Variants in LARGE1 observed in about 807,000 individuals in gnomAD.
LARGE1 encodes LARGE xylosyl- and glucuronyltransferase 1.
Under a neutral mutation model 87.6 loss-of-function variants are expected in LARGE1, and 43 were observed. The observed-to-expected ratio is 0.49, with a 90% CI of 0.38 to 0.63. The LOEUF (loss-of-function observed/expected upper bound fraction) is 0.63, where lower values mean the gene tolerates loss of function less well. LARGE1 is among the 30% of genes least tolerant of loss of function. The pLI, the probability that LARGE1 is intolerant of heterozygous loss-of-function variation, is 0.00. For missense variants in LARGE1, 802 were observed against 1,000.2 expected (o/e 0.80, Z 2.67); for synonymous variants, 434 against 394.6 (o/e 1.10, Z -1.18).
At chr22:33,868,750 A>G (rs2043942683) in intron 1 of LARGE1, among the ~76,000 whole-genome samples, 1 of 152,178 alleles carries the variant, frequency 6.6e-6, no homozygotes, top group African/African-American at 2.4e-5. Flanking sequence ...GAAATCACCT[A>G]TCATGTCAAA....
chr22:33,842,495 TCTAA>T (rs764014831), intron 1 of LARGE1, among the ~76,000 whole-genome samples: 5 of 152,184 alleles, frequency 3.3e-5, no homozygotes, highest in Non-Finnish European at 7.3e-5. Flanking sequence ...GTACATTGCT[TCTAA>T]CTATACATTC....
At chr22:33,771,642 C>T (rs2085071403) in intron 1 of LARGE1, among the ~76,000 whole-genome samples, 1 of 152,136 alleles carries the variant, frequency 6.6e-6, no homozygotes, top group African/African-American at 2.4e-5. Flanking sequence ...AACAATCTCC[C>T]GGCTGATGAC....
At chr22:33,829,908 T>C (rs2062915819) in intron 1 of LARGE1, among the ~76,000 whole-genome samples, 5 of 152,220 alleles carry the variant, frequency 3.3e-5, no homozygotes, top group South Asian at 2.1e-4. Flanking sequence ...GAAACCACCA[T>C]TCCCTACAAG....
the LARGE1 span, among the ~76,000 whole-genome samples, chr22:33,066,736 C>T: frequency 4.6e-5 from 7 of 152,260 alleles, no homozygotes; most frequent in Admixed American, 2.0e-4. Context: ...AAGATCCATT[C>T]GGCTCAGCTA....
At chr22:33,245,003 T>A (rs1602141212) in intron 11 of LARGE1, among the ~76,000 whole-genome samples, 1 of 152,336 alleles carries the variant, frequency 6.6e-6, no homozygotes, top group South Asian at 2.1e-4. Context: ...TTTCTCAACA[T>A]AAGCTCCATC....
chr22:33,813,081 G>A (rs1335499898), intron 1 of LARGE1, among the ~76,000 whole-genome samples: 1 of 152,018 alleles, frequency 6.6e-6, no homozygotes, highest in Non-Finnish European at 1.5e-5. Flanking sequence ...TAGGCCGGGC[G>A]CAGTGGCTCA....
At chr22:33,583,340 T>C (rs573643851) in intron 5 of LARGE1, among the ~76,000 whole-genome samples, 1 of 152,360 alleles carries the variant, frequency 6.6e-6, no homozygotes, top group African/African-American at 2.4e-5. Context: ...CACCTTCTTT[T>C]TGAGAACCAT....
At chr22:33,398,376 T>A (rs2065821298) in intron 7 of LARGE1, among the ~76,000 whole-genome samples, 1 of 152,066 alleles carries the variant, frequency 6.6e-6, no homozygotes, top group Non-Finnish European at 1.5e-5. Flanking sequence ...TCCCTGACAC[T>A]CCCCCAACCT....
At chr22:33,407,103 A>C (rs1261875766) in intron 7 of LARGE1, among the ~76,000 whole-genome samples, 1 of 152,156 alleles carries the variant, frequency 6.6e-6, no homozygotes, top group East Asian at 1.9e-4. Context: ...GAAAATGCAT[A>C]TAATATATAC....
intron 6 of LARGE1, among the ~76,000 whole-genome samples, chr22:33,530,502 T>C (rs2072146118): frequency 6.7e-6 from 1 of 149,916 alleles, no homozygotes; most frequent in Non-Finnish European, 1.5e-5. Flanking sequence ...AGTCTCCTAA[T>C]GATACTGTTT....
In LARGE1 at chr22:33,572,727, A is replaced by G. The variant is rs146981388; in HGVS notation, c.616-7708T>C. On this transcript the variant is annotated intron_variant, in intron 5 of 14. Coordinates refer to ENST00000397394, the MANE Select transcript of LARGE1 (RefSeq NM_133642.5). Reference sequence around the variant, plus strand: ...TCTACTAAAAATGCAAAAATTAGCCAGGCATGGTGGCGCATGCCTGTAATC... The same window carrying G: ...TCTACTAAAAATGCAAAAATTAGCCGGGCATGGTGGCGCATGCCTGTAATC... 6.3e-3 allele frequency among the ~76,000 whole-genome samples: 962 copies of G among 152,154 alleles called. 13 individuals carry two copies. The highest frequency in any genetic ancestry group is 0.022 in the African/African-American group (921 of 41,548).
rs1925653164 is a variant in LARGE1 at position 33,224,850 on chromosome 22, G to A, written c.1731-58018C>T. Among the ~76,000 whole-genome samples the A allele has an allele frequency of 2.0e-5, 3 of 152,362 alleles. No homozygotes were observed. The South Asian group carries it at 6.2e-4, about 32-fold the overall frequency. Reference sequence around the variant, plus strand: ...CCCTGTCAGAAGAAGACAGAGCCAGGCCTGTCAGCCAGAGGAACTGAATCA... The same window carrying A: ...CCCTGTCAGAAGAAGACAGAGCCAGACCTGTCAGCCAGAGGAACTGAATCA... On this transcript the variant is annotated intron_variant, in intron 11 of 11. Coordinates refer to the LARGE1 transcript ENST00000608642.
At chr22:33,655,663 A>T (rs541659669) in intron 2 of LARGE1, among the ~76,000 whole-genome samples, 1 of 152,320 alleles carries the variant, frequency 6.6e-6, no homozygotes, top group African/African-American at 2.4e-5. Flanking sequence ...CGGCCTGCAG[A>T]TCACACCTTG....
At chr22:33,648,112 A>G (rs184984475) in intron 3 of LARGE1, among the ~76,000 whole-genome samples, 1 of 152,296 alleles carries the variant, frequency 6.6e-6, no homozygotes, top group African/African-American at 2.4e-5. Flanking sequence ...CAGAAAAGTG[A>G]TCTTACTTGC....
chr22:33,237,655 T>A (rs1568985327), intron 11 of LARGE1, among the ~76,000 whole-genome samples: 1 of 152,106 alleles, frequency 6.6e-6, no homozygotes, highest in Admixed American at 6.6e-5. Flanking sequence ...AATAACGAGT[T>A]GTGATAAAAG....
In LARGE1 at chr22:33,503,144, C is replaced by T. The variant is rs139395296; in HGVS notation, c.787+61704G>A. On this transcript the variant is annotated intron_variant, in intron 6 of 14. Transcript: ENST00000397394. ...TAAAAGGGATGTGGGAAAGGTTATC[C>T]GCAACACCAAAGACGTGATTTCTTT... is the stretch of plus-strand genomic sequence containing the variant. Among the ~76,000 whole-genome samples, 1,040 of 152,050 alleles carry T rather than the reference C, an allele frequency of 6.8e-3. 11 individuals are homozygous for T. The highest frequency in any genetic ancestry group is 0.024 in the African/African-American group (981 of 41,452).
At chr22:33,823,998 T>C (rs1278205551) in intron 1 of LARGE1, among the ~76,000 whole-genome samples, 1 of 152,154 alleles carries the variant, frequency 6.6e-6, no homozygotes, top group Admixed American at 6.5e-5. Flanking sequence ...CAAGCCATCA[T>C]GGTAAGTACT....
chr22:33,511,789 G>A (rs1294265039), intron 6 of LARGE1, among the ~76,000 whole-genome samples: 1 of 152,138 alleles, frequency 6.6e-6, no homozygotes, highest in Non-Finnish European at 1.5e-5. Context: ...TGTTTTCCAC[G>A]AAACGAAATG....
rs569194490 is a variant in LARGE1 at position 33,704,852 on chromosome 22, G to A, written c.107-54184C>T. ...AAGCAGCCCCGGATCTGACAAGCTG[G>A]GTCTGCTCTAGCACTGCTGCTAGAC... On this transcript the variant is annotated intron_variant, in intron 2 of 14. Transcript: ENST00000397394. 2.0e-5 allele frequency: 3 copies of A among 152,294 alleles called. No homozygotes were observed. In the East Asian group the frequency reaches 5.8e-4, roughly 29 times the overall value. The allele number at this position is 152,294 out of a possible 1,614,324, so 9.4% of individuals were successfully genotyped here.
Sources: gnomAD v4.1 joint callset for allele counts (sites outside exome capture counted in the v4.1 genomes callset) on GRCh38, gnomAD v4.1.1 for gene constraint, MANE v1.5 for transcripts, NCBI Gene and HGNC (gene_info 2026-07-23, HGNC 2026-07-21) for gene names.